Variants in ACTR3C observed in about 807,000 individuals in gnomAD.
The protein encoded by ACTR3C is actin-related protein 3C.
ACTR3C carries 18 observed loss-of-function variants against 26.3 expected under a neutral mutation model. That is an observed-to-expected ratio of 0.68 (90% CI 0.47 to 1.01). The LOEUF is 1.01. Among genes scored for constraint, ACTR3C ranks in the 50% least tolerant of loss-of-function variants. The probability of loss-of-function intolerance (pLI) is 0.00; values close to 1 mark genes in which losing one functional copy is unlikely to be tolerated. For missense variants in ACTR3C, 184 were observed against 250.7 expected (o/e 0.73, Z 1.80); for synonymous variants, 55 against 94.5 (o/e 0.58, Z 2.42).
At chr7:149,946,186 G>A in the ACTR3C span, among the ~76,000 whole-genome samples, 1 of 152,232 alleles carries the variant, frequency 6.6e-6, no homozygotes, top group African/African-American at 2.4e-5. Context: ...CCAGGAATCA[G>A]GACTGTGCAG....
the ACTR3C span, among the ~76,000 whole-genome samples, chr7:150,062,505 G>T: frequency 6.6e-6 from 1 of 150,636 alleles, no homozygotes; most frequent in Non-Finnish European, 1.5e-5. Context: ...CTCGAGATGG[G>T]CAACAAGTAT....
At chr7:150,145,531 G>A in the ACTR3C span, among the ~76,000 whole-genome samples, 32 of 133,800 alleles carry the variant, frequency 2.4e-4, no homozygotes, top group East Asian at 6.4e-3. Context: ...AACATCACTC[G>A]GCAAGTGAAA....
the ACTR3C span, among the ~76,000 whole-genome samples, chr7:150,134,312 G>A: frequency 2.0e-5 from 3 of 152,018 alleles, no homozygotes; most frequent in Non-Finnish European, 4.4e-5. Context: ...GAAGATGAAC[G>A]GGAGAAGGGG....
the ACTR3C span, among the ~76,000 whole-genome samples, chr7:150,031,141 C>T: frequency 6.6e-6 from 1 of 151,892 alleles, no homozygotes; most frequent in African/African-American, 2.4e-5. Context: ...CCTGTAATCC[C>T]AGCTACTCAG....
the ACTR3C span, among the ~76,000 whole-genome samples, chr7:149,925,981 T>A: frequency 1.3e-5 from 2 of 152,040 alleles, no homozygotes; most frequent in Non-Finnish European, 1.5e-5. Context: ...GAGAATCGCT[T>A]GAATCCAGGA....
the ACTR3C span, among the ~76,000 whole-genome samples, chr7:149,889,303 TTAAAG>T: frequency 1.3e-5 from 2 of 152,166 alleles, no homozygotes; most frequent in Non-Finnish European, 2.9e-5. Flanking sequence ...GTCAAAGTGT[TTAAAG>T]TAAATCATAA....
chr7:150,134,421 T>C, the ACTR3C span, among the ~76,000 whole-genome samples: 1 of 152,348 alleles, frequency 6.6e-6, no homozygotes, highest in African/African-American at 2.4e-5. Flanking sequence ...GTGCCTCCCC[T>C]GCAAGGGTGA....
the ACTR3C span, among the ~76,000 whole-genome samples, chr7:150,117,373 A>C: frequency 6.6e-6 from 1 of 152,160 alleles, no homozygotes; most frequent in Non-Finnish European, 1.5e-5. Flanking sequence ...TGAAGTCGAC[A>C]TGGGATGCTC....
chr7:150,211,060 T>C, the ACTR3C span, among the ~76,000 whole-genome samples: 7 of 150,434 alleles, frequency 4.7e-5, no homozygotes, highest in East Asian at 9.6e-4. Context: ...ACTCACTAAA[T>C]ATGACAAACA....
At chr7:149,944,885 G>T in the ACTR3C span, among the ~76,000 whole-genome samples, 5 of 151,696 alleles carry the variant, frequency 3.3e-5, no homozygotes, top group Non-Finnish European at 7.4e-5. Context: ...TAAGGTCAAA[G>T]AACAGGGTAT....
At chr7:149,943,507 G>A in the ACTR3C span, among the ~76,000 whole-genome samples, 1 of 151,018 alleles carries the variant, frequency 6.6e-6, no homozygotes, top group African/African-American at 2.5e-5. Context: ...CGGGCAGATC[G>A]CCTGAGATCA....
At chr7:149,912,859 C>T in the ACTR3C span, among the ~76,000 whole-genome samples, 62,166 of 151,692 alleles carry the variant, frequency 0.41, 12,953 homozygotes, top group East Asian at 0.46. Flanking sequence ...GCAGAACTGA[C>T]GTTATTTTTA....
At chr7:150,123,619 A>G in the ACTR3C span, among the ~76,000 whole-genome samples, 1 of 151,376 alleles carries the variant, frequency 6.6e-6, no homozygotes, top group Non-Finnish European at 1.5e-5. Context: ...ACACAAACAC[A>G]CACCCCTATT....
the ACTR3C span, among the ~76,000 whole-genome samples, chr7:150,019,688 A>AT: frequency 1.3e-5 from 2 of 151,562 alleles, no homozygotes; most frequent in African/African-American, 2.4e-5. Context: ...CCTAGGAAGC[A>AT]TTTTTGAAAT....
the ACTR3C span, among the ~76,000 whole-genome samples, chr7:149,924,636 T>C: frequency 3.0e-3 from 453 of 152,128 alleles, 2 homozygotes; most frequent in Non-Finnish European, 5.4e-3. Context: ...GTTTTGGTTT[T>C]TATTTTTGAG....
chr7:150,048,928 G>A, the ACTR3C span, among the ~76,000 whole-genome samples: 3 of 152,110 alleles, frequency 2.0e-5, no homozygotes, highest in Non-Finnish European at 4.4e-5. Context: ...CGCCCCTCGC[G>A]GGCGCTGCGC....
chr7:150,316,354 T>C (rs902971801), intron 1 of ACTR3C, among the ~76,000 whole-genome samples: 8 of 152,234 alleles, frequency 5.3e-5, no homozygotes, highest in African/African-American at 1.9e-4. Flanking sequence ...GTTTCGACTG[T>C]AGTAGCTTTA....
At chr7:150,306,358 C>T (rs2531002) in intron 1 of ACTR3C, among the ~76,000 whole-genome samples, 3 of 152,106 alleles carry the variant, frequency 2.0e-5, no homozygotes, top group South Asian at 2.1e-4. Flanking sequence ...ACTCCTGGCG[C>T]GGGAAGCTGA....
chr7:149,929,505 C>T, the ACTR3C span, among the ~76,000 whole-genome samples: 2 of 142,078 alleles, frequency 1.4e-5, no homozygotes, highest in African/African-American at 5.2e-5. Flanking sequence ...AGAGTACTTA[C>T]GTAAAATATT....
Sources: allele counts gnomAD v4.1 joint callset (sites outside exome capture counted in the v4.1 genomes callset), GRCh38; gene constraint gnomAD v4.1.1; transcripts MANE v1.5; gene names NCBI Gene and HGNC (gene_info 2026-07-23, HGNC 2026-07-21).